The following PCDHA2 variants were observed in gnomAD, a reference collection of about 807,000 sequenced individuals.
PCDHA2 encodes protocadherin alpha-2.
In PCDHA2, 58 loss-of-function variants were observed where a neutral mutation model predicts 66.0. The ratio of observed to expected loss-of-function variants is 0.88; its 90% CI spans 0.71 to 1.09. The LOEUF is 1.09. Ranked by LOEUF, PCDHA2 falls within the 50% of genes least tolerant of loss-of-function variation. The probability of loss-of-function intolerance (pLI) is 0.00; values close to 1 mark genes in which losing one functional copy is unlikely to be tolerated. For synonymous variants in PCDHA2, 634 were observed against 554.0 expected (o/e 1.14, Z -2.03); for missense variants, 1,267 against 1,242.3 (o/e 1.02, Z -0.30).
intron 3 of PCDHA2, among the ~76,000 whole-genome samples, chr5:140,995,888 T>C (rs1307052037): frequency 3.3e-5 from 5 of 152,216 alleles, no homozygotes; most frequent in Non-Finnish European, 5.9e-5. Flanking sequence ...GCTTCAGATT[T>C]ATCAATGTAT....
chr5:140,953,901 A>G (rs1354951706), intron 1 of PCDHA2, among the ~76,000 whole-genome samples: 1 of 152,156 alleles, frequency 6.6e-6, no homozygotes, highest in Admixed American at 6.5e-5. Flanking sequence ...TATTAAGCCC[A>G]GCATCCATTA....
intron 1 of PCDHA2, among the ~76,000 whole-genome samples, chr5:140,941,248 T>TTTCTTTC (rs2092963388): frequency 1.4e-5 from 2 of 141,492 alleles, no homozygotes; most frequent in African/African-American, 5.3e-5. Context: ...TCTTTCTTTC[T>TTTCTTTC]TTCTTTCTCT....
chr5:140,969,631 G>C (rs1554231956), intron 1 of PCDHA2: 1 of 227,796 alleles, frequency 4.4e-6, no homozygotes, highest in Non-Finnish European at 7.3e-6. Flanking sequence ...AAACAGGACA[G>C]GCCTTGGAAT....
intron 3 of PCDHA2, among the ~76,000 whole-genome samples, chr5:140,998,568 A>AG (rs1167593072): frequency 3.1e-5 from 3 of 96,370 alleles, no homozygotes; most frequent in African/African-American, 1.3e-4. Context: ...ATTGTAAATA[A>AG]GTTTTTTTTT....
At chr5:140,871,405 C>T (rs1554165555) in intron 1 of PCDHA2, 10 of 1,614,106 alleles carry the variant, frequency 6.2e-6, no homozygotes, top group Non-Finnish European at 7.6e-6. Flanking sequence ...TAAGACGGAC[C>T]TCATGGCCTT....
Position 140,795,268 on chromosome 5 carries a change from T to C in PCDHA2, c.304T>C (p.Cys102Arg). ...GGAGCTGTGCGGGCGGAGCGCGGAATGTAGCATCCACGTGGAGGTGATCGT... is the reference window on the plus strand; with the variant it reads ...GGAGCTGTGCGGGCGGAGCGCGGAACGTAGCATCCACGTGGAGGTGATCGT... ...REELCGRSAECSIHVEVIVDR... is the reference protein window; with the variant it reads ...REELCGRSAERSIHVEVIVDR... The change falls in exon 1 of 4, where the codon TGT (cysteine) becomes CGT (arginine). Residue 102 changes from cysteine to arginine, a missense_variant. Cys to Arg is a radical substitution (Grantham distance 180). Coordinates refer to ENST00000526136, the MANE Select transcript of PCDHA2 (RefSeq NM_018905.3). 2 of 1,614,218 alleles carry C rather than the reference T, an allele frequency of 1.2e-6. No homozygotes were observed. The highest frequency in any genetic ancestry group is 1.7e-6 in the Non-Finnish European group (2 of 1,180,036).
intron 1 of PCDHA2, chr5:140,808,044 C>T (rs781791401): frequency 3.1e-6 from 5 of 1,613,854 alleles, no homozygotes; most frequent in Non-Finnish European, 4.2e-6. Context: ...AATGATATTT[C>T]GCCAAATGTG....
At chr5:140,847,654 T>C (rs1037427370) in intron 1 of PCDHA2, 3 of 149,736 alleles carry the variant, frequency 2.0e-5, no homozygotes, top group South Asian at 2.1e-4. Flanking sequence ...AGATTATTCA[T>C]AGATTATAAA....
At chr5:140,818,183 G>A (rs2150100367) in intron 1 of PCDHA2, among the ~76,000 whole-genome samples, 54 of 152,080 alleles carry the variant, frequency 3.6e-4, no homozygotes, top group Non-Finnish European at 6.6e-4. Context: ...ATATTCTTCT[G>A]TGACTATAAG....
chr5:140,809,127 T>C (rs781933598), intron 1 of PCDHA2: 19 of 1,613,890 alleles, frequency 1.2e-5, no homozygotes, highest in Non-Finnish European at 1.5e-5. Context: ...CGCCACCGCC[T>C]ACTGGTACTG....
chr5:140,884,454 A>G, intron 1 of PCDHA2: 2 of 1,613,688 alleles, frequency 1.2e-6, no homozygotes, highest in Non-Finnish European at 1.7e-6. Flanking sequence ...CCGCCCACCG[A>G]GGGCGCGTGC....
intron 1 of PCDHA2, chr5:140,835,303 A>C (rs1773561799): frequency 6.2e-7 from 1 of 1,612,938 alleles, no homozygotes; most frequent in African/African-American, 1.3e-5. Context: ...GTGATAGGAC[A>C]TATGGATTTT....
chr5:140,882,859 G>A (rs2059337136), intron 1 of PCDHA2: 1 of 1,614,192 alleles, frequency 6.2e-7, no homozygotes, highest in East Asian at 2.2e-5. Context: ...TTGTACTGAG[G>A]AAAACACTGG....
At chr5:140,876,308 A>T in intron 1 of PCDHA2, 1 of 1,614,070 alleles carries the variant, frequency 6.2e-7, no homozygotes, top group South Asian at 1.1e-5. Context: ...GAAATTTCCT[A>T]TGGGATCAAA....
intron 1 of PCDHA2, among the ~76,000 whole-genome samples, chr5:140,900,275 C>T (rs1260418745): frequency 9.2e-5 from 14 of 151,438 alleles, no homozygotes; most frequent in African/African-American, 2.9e-4. Context: ...GTATATGTAC[C>T]ACACTTTCTT....
chr5:140,954,845 C>T (rs1479368081), intron 1 of PCDHA2, among the ~76,000 whole-genome samples: 2 of 152,140 alleles, frequency 1.3e-5, no homozygotes, highest in African/African-American at 4.8e-5. Context: ...AAATCTTTGC[C>T]TGTGCCTATG....
chr5:140,987,149 G>A (rs1380803903), intron 3 of PCDHA2, among the ~76,000 whole-genome samples: 1 of 151,884 alleles, frequency 6.6e-6, no homozygotes, highest in African/African-American at 2.4e-5. Context: ...GGGAGGTGGA[G>A]GTTGCAGTGA....
At chr5:140,821,966 G>A (rs1280808656) in intron 1 of PCDHA2, 5 of 1,614,052 alleles carry the variant, frequency 3.1e-6, no homozygotes, top group Non-Finnish European at 4.2e-6. Context: ...CGCCTGTTCC[G>A]GGTGGCGTCC....
chr5:140,951,084 T>C (rs190031878), intron 1 of PCDHA2, among the ~76,000 whole-genome samples: 2 of 152,168 alleles, frequency 1.3e-5, no homozygotes, highest in African/African-American at 4.8e-5. Context: ...ATATTTTCCT[T>C]TTTTTCTGAT....
Sources: gnomAD v4.1 joint callset for allele counts (sites outside exome capture counted in the v4.1 genomes callset) on GRCh38, gnomAD v4.1.1 for gene constraint, MANE v1.5 for transcripts, NCBI Gene and HGNC (gene_info 2026-07-23, HGNC 2026-07-21) for gene names.